Variants in RBM45 observed in about 807,000 individuals in gnomAD.
The protein encoded by RBM45 is RNA-binding protein 45.
RBM45 carries 39 observed loss-of-function variants against 58.5 expected under a neutral mutation model. The ratio of observed to expected loss-of-function variants is 0.67; its 90% confidence interval spans 0.52 to 0.87. RBM45 has a LOEUF of 0.87. RBM45 is among the 40% of genes least tolerant of loss of function. The pLI, the probability that RBM45 is intolerant of heterozygous loss-of-function variation, is 0.00. For missense variants in RBM45, 481 were observed against 581.6 expected, an observed-to-expected ratio of 0.83 and a Z score of 1.78; for synonymous variants, 193 against 203.0, an observed-to-expected ratio of 0.95 and a Z score of 0.42.
chr2:178,124,526 A>T (rs1348305916), intron 8 of RBM45, among the ~76,000 whole-genome samples: 1 of 152,158 alleles, frequency 6.6e-6, no homozygotes, highest in Non-Finnish European at 1.5e-5. Flanking sequence ...TTTGAAACAT[A>T]AAGTGGGCCT....
At chr2:178,118,393 T>C (rs1574409354) in intron 3 of RBM45, among the ~76,000 whole-genome samples, 1 of 152,304 alleles carries the variant, frequency 6.6e-6, no homozygotes, top group Non-Finnish European at 1.5e-5. Context: ...TAAGAGCAAC[T>C]ACATTAACTT....
chr2:178,125,389 G>A (rs1189099776), intron 8 of RBM45, among the ~76,000 whole-genome samples: 1 of 152,196 alleles, frequency 6.6e-6, no homozygotes, highest in Non-Finnish European at 1.5e-5. Context: ...CAAAGGAGGA[G>A]CAGTTACCTT....
chr2:178,120,540 T>C, intron 4 of RBM45, 131 bp downstream of exon 4: 1 of 768,870 alleles, frequency 1.3e-6, no homozygotes, highest in Non-Finnish European at 1.9e-6. Flanking sequence ...TGTAGTTTTT[T>C]TATTCCTAAA....
At chr2:178,123,272 G>A (rs903595343) in intron 5 of RBM45, among the ~76,000 whole-genome samples, 2 of 152,120 alleles carry the variant, frequency 1.3e-5, no homozygotes, top group Non-Finnish European at 2.9e-5. Flanking sequence ...TAGACAGGAC[G>A]TATGTTAATA....
intron 2 of RBM45, 108 bp from the exon 3 acceptor site, chr2:178,117,947 A>G (rs1051387742): frequency 4.7e-5 from 38 of 806,604 alleles, no homozygotes; most frequent in East Asian, 5.2e-5. Context: ...TATACTGCCT[A>G]TTTCTTTGTT....
At chr2:178,126,685 G>A (rs2087933845) in intron 9 of RBM45, among the ~76,000 whole-genome samples, 1 of 152,058 alleles carries the variant, frequency 6.6e-6, no homozygotes, top group Non-Finnish European at 1.5e-5. Flanking sequence ...CTAAATGTTG[G>A]TGTTTTCTGG....
At chr2:178,118,264 C>T in intron 3 of RBM45, 83 bp downstream of exon 3, 1 of 1,318,634 alleles carries the variant, frequency 7.6e-7, no homozygotes, top group Non-Finnish European at 1.0e-6. Flanking sequence ...TTAGTTTTTG[C>T]TAATAACTGT....
At chr2:178,133,953 G>A (rs1574417631), downstream of RBM45, 5 of 152,190 alleles carry the variant, frequency 3.3e-5, no homozygotes, top group South Asian at 1.0e-3. Context: ...ATATCAAGTT[G>A]TAGTTCATTC....
At chr2:178,127,840 A>T (rs192874613) in intron 9 of RBM45, among the ~76,000 whole-genome samples, 116 of 152,272 alleles carry the variant, frequency 7.6e-4, no homozygotes, top group African/African-American at 2.5e-3. Flanking sequence ...GTTCTTAAAA[A>T]GGACAATAAT....
chr2:178,131,075 G>A (rs1327799520), downstream of RBM45, among the ~76,000 whole-genome samples: 1 of 152,326 alleles, frequency 6.6e-6, no homozygotes, highest in Admixed American at 6.5e-5. Flanking sequence ...CCTGTGAATA[G>A]CCACTGTCCT....
chr2:178,115,385 GTGTCTT>G (rs1177169245), intron 1 of RBM45, among the ~76,000 whole-genome samples: 2 of 150,902 alleles, frequency 1.3e-5, no homozygotes, highest in African/African-American at 4.9e-5. Flanking sequence ...TTTTTCTCTA[GTGTCTT>G]TGCATATACT....
downstream of RBM45, among the ~76,000 whole-genome samples, chr2:178,131,773 C>G (rs2088007990): frequency 6.6e-6 from 1 of 152,194 alleles, no homozygotes; most frequent in Admixed American, 6.5e-5. Context: ...TGCATTTCAT[C>G]TTAATCCTCT....
In RBM45 at chr2:178,123,621, C is replaced by T. The variant is rs2087886624; in HGVS notation, c.953C>T (p.Ser318Phe). 6 of 1,607,606 alleles carry T rather than the reference C, an allele frequency of 3.7e-6. No homozygotes were observed. In the East Asian group the frequency reaches 1.1e-4, roughly 30 times the overall value. Residue 318 changes from serine to phenylalanine, a missense_variant, in exon 6 of 10, where the codon TCC (serine) becomes TTC (phenylalanine). Physicochemically the swap from Ser to Phe is radical, Grantham distance 155. Transcript: ENST00000286070. ...CCTCCTGGGAACCGAATAGGTGTTT[C>T]CTTCATTGATGATGGAAGTAATGCA... ...QYPPGNRIGV[S>F]FIDDGSNATD...
downstream of RBM45, among the ~76,000 whole-genome samples, chr2:178,132,781 T>C (rs376875722): frequency 1.3e-5 from 2 of 152,082 alleles, no homozygotes; most frequent in Admixed American, 1.3e-4. Context: ...GTAGAGACAG[T>C]TTCTCCATGT....
At position 178,112,828 on chromosome 2, in the gene RBM45, C is replaced by A; in HGVS notation, c.282C>A (p.Asn94Lys). 1.2e-6 allele frequency: 2 copies of A among 1,609,310 alleles called. No homozygotes were observed. Among genetic ancestry groups the A allele is most frequent in the Non-Finnish European group, 1.7e-6 (2 of 1,176,300 alleles). ...EEMHGQCLGP[N>K]DTKPIKVFIA... ...TGCATGGCCAGTGCCTCGGCCCCAA[C>A]GACACCAAGCCCATCAAGGTGCGGG... The change falls in exon 1 of 10, where the codon AAC (asparagine) becomes AAA (lysine). Residue 94 changes from asparagine to lysine, a missense_variant. Physicochemically the swap from Asn to Lys is moderately conservative, Grantham distance 94. Transcript: ENST00000286070.
chr2:178,114,147 C>T (rs116823320), intron 1 of RBM45, among the ~76,000 whole-genome samples: 2 of 152,196 alleles, frequency 1.3e-5, no homozygotes, highest in Non-Finnish European at 2.9e-5. Flanking sequence ...AGGCCACATA[C>T]AGTCTCTGTC....
At chr2:178,126,569 G>A (rs984738348) in intron 9 of RBM45, among the ~76,000 whole-genome samples, 14 of 152,084 alleles carry the variant, frequency 9.2e-5, no homozygotes, top group African/African-American at 2.7e-4. Flanking sequence ...GTTATGAATT[G>A]AGGTAATTTA....
intron 8 of RBM45, 106 bp downstream of exon 8, chr2:178,124,396 A>G (rs933494258): frequency 5.9e-5 from 35 of 594,858 alleles, no homozygotes; most frequent in Non-Finnish European, 8.2e-5. Flanking sequence ...AGAGAGTATT[A>G]GTTCTCTGCT....
chr2:178,131,602 C>T (rs2088006447), downstream of RBM45, among the ~76,000 whole-genome samples: 1 of 152,162 alleles, frequency 6.6e-6, no homozygotes, highest in Non-Finnish European at 1.5e-5. Flanking sequence ...GAGTAAAGTG[C>T]CTTATCTAGA....
Sources: allele counts gnomAD v4.1 joint callset (sites outside exome capture counted in the v4.1 genomes callset), GRCh38; gene constraint gnomAD v4.1.1; transcripts MANE v1.5; gene names NCBI Gene and HGNC (gene_info 2026-07-23, HGNC 2026-07-21).